Variants in VWA8 observed in about 807,000 individuals in gnomAD.
VWA8 encodes von Willebrand factor A domain containing 8.
A neutral mutation model predicts 241.5 loss-of-function variants in VWA8; 221 were observed. The observed-to-expected ratio is 0.91, with a 90% CI of 0.82 to 1.02. VWA8 has a LOEUF of 1.02. Among genes scored for constraint, VWA8 ranks in the 50% least tolerant of loss-of-function variants. The pLI is 0.00. For missense variants in VWA8, 2,322 were observed against 2,328.7 expected (o/e 1.00, Z 0.06); for synonymous variants, 852 against 827.1 (o/e 1.03, Z -0.52).
chr13:41,611,881 T>G (rs1298240434), intron 38 of VWA8, 149 bp from the exon 39 acceptor site: 3 of 939,430 alleles, frequency 3.2e-6, no homozygotes, highest in Non-Finnish European at 4.6e-6. Flanking sequence ...GAAAAAGATG[T>G]ATTCTCTTGT....
intron 12 of VWA8, among the ~76,000 whole-genome samples, chr13:41,851,235 G>A (rs1458860095): frequency 6.6e-6 from 1 of 152,086 alleles, no homozygotes; most frequent in East Asian, 1.9e-4. Flanking sequence ...CACCAGGCCA[G>A]TCCACCTAAG....
intron 29 of VWA8, among the ~76,000 whole-genome samples, chr13:41,696,631 T>C (rs2045217360): frequency 6.6e-6 from 1 of 152,160 alleles, no homozygotes; most frequent in Non-Finnish European, 1.5e-5. Context: ...CATATGTAAA[T>C]GTGGCTGAGA....
At chr13:41,734,399 C>T (rs751527503) in intron 21 of VWA8, among the ~76,000 whole-genome samples, 1 of 152,016 alleles carries the variant, frequency 6.6e-6, no homozygotes, top group Non-Finnish European at 1.5e-5. Context: ...AAAGTACAGT[C>T]ATGTTGAGAA....
intron 12 of VWA8, among the ~76,000 whole-genome samples, chr13:41,840,587 A>G (rs1321082336): frequency 6.6e-6 from 1 of 151,986 alleles, no homozygotes; most frequent in African/African-American, 2.4e-5. Flanking sequence ...GCAAAACCCC[A>G]TCGCTACAAA....
At chr13:41,671,922 C>T (rs2045028367) in intron 36 of VWA8, among the ~76,000 whole-genome samples, 1 of 152,172 alleles carries the variant, frequency 6.6e-6, no homozygotes, top group African/African-American at 2.4e-5. Flanking sequence ...TAAGACAGAA[C>T]TCTAATAATG....
intron 12 of VWA8, among the ~76,000 whole-genome samples, chr13:41,847,235 G>A (rs1200661733): frequency 6.6e-6 from 1 of 152,052 alleles, no homozygotes; most frequent in Non-Finnish European, 1.5e-5. Flanking sequence ...GAGACAGGAG[G>A]AGAAGAAAGG....
At chr13:41,678,547 G>A (rs2045076318) in intron 35 of VWA8, among the ~76,000 whole-genome samples, 2 of 152,162 alleles carry the variant, frequency 1.3e-5, no homozygotes, top group Non-Finnish European at 1.5e-5. Flanking sequence ...GAGCTGCCTC[G>A]CTAACTAACT....
At chr13:41,741,389 AC>A (rs1295165372) in intron 21 of VWA8, among the ~76,000 whole-genome samples, 3 of 152,162 alleles carry the variant, frequency 2.0e-5, no homozygotes, top group Non-Finnish European at 4.4e-5. Context: ...CCTTTCCGCC[AC>A]TTTTTATGAT....
chr13:41,836,066 T>C (rs963641105), intron 12 of VWA8, among the ~76,000 whole-genome samples: 3 of 152,156 alleles, frequency 2.0e-5, no homozygotes, highest in African/African-American at 4.8e-5. Context: ...TTATTAAACA[T>C]TACATAGATG....
At position 41,907,709 on chromosome 13, in the gene VWA8, G is replaced by C; in HGVS notation, c.373-13C>G. The C allele has an allele frequency of 6.2e-7, 1 of 1,604,364 alleles. No individual in the cohort carries two copies. The highest frequency in any genetic ancestry group is 1.7e-4 in the Middle Eastern group (1 of 6,036). On this transcript the variant is annotated splice_polypyrimidine_tract_variant and intron_variant, in intron 3 of 44. Transcript: ENST00000379310. Reference sequence around the variant, plus strand: ...GTTTGGTCAGCTCCTGTAGAGAAGAGAATGAAATTATTCCAAAAATAAAAT... The same window carrying C: ...GTTTGGTCAGCTCCTGTAGAGAAGACAATGAAATTATTCCAAAAATAAAAT...
intron 16 of VWA8, among the ~76,000 whole-genome samples, chr13:41,814,903 G>A (rs1330623420): frequency 6.6e-6 from 1 of 152,116 alleles, no homozygotes; most frequent in Non-Finnish European, 1.5e-5. Context: ...CCGAGAGAAG[G>A]AAGATAGACA....
intron 37 of VWA8, among the ~76,000 whole-genome samples, chr13:41,626,144 A>G (rs564831119): frequency 1.3e-4 from 19 of 151,476 alleles, no homozygotes; most frequent in African/African-American, 4.6e-4. Context: ...ATGACGAGTT[A>G]ATGGGTGCAG....
intron 14 of VWA8, among the ~76,000 whole-genome samples, chr13:41,823,880 A>G (rs1056145246): frequency 2.0e-5 from 3 of 152,228 alleles, no homozygotes; most frequent in Non-Finnish European, 4.4e-5. Flanking sequence ...CGGGTTTCAC[A>G]CTATAAAGTT....
At chr13:41,944,135 T>TAAA (rs1209038186) in intron 2 of VWA8, among the ~76,000 whole-genome samples, 2 of 138,602 alleles carry the variant, frequency 1.4e-5, no homozygotes, top group East Asian at 2.1e-4. Context: ...ATAATAATAA[T>TAAA]AAATAAATAA....
At position 41,830,561 on chromosome 13, in the gene VWA8, C is replaced by G. The variant is rs1370689701; in HGVS notation, c.1668G>C (p.Glu556Asp). The G allele has an allele frequency of 1.9e-6, 3 of 1,613,758 alleles. No individual in the cohort carries two copies. The highest frequency in any genetic ancestry group is 2.5e-6 in the Non-Finnish European group (3 of 1,179,892). ...REDRYMRLKEELQLSDEQLQK... is the reference protein window; with the variant it reads ...REDRYMRLKEDLQLSDEQLQK... ...GTAGCTGTTCATCAGACAGTTGCAG[C>G]TCCTCCTTTAAACGCATATACCTGT... The change falls in exon 14 of 45, where the codon GAG becomes GAC. Residue 556 changes from glutamate (E) to aspartate (D), a missense_variant. By Grantham distance (45) the Glu-to-Asp change is conservative (BLOSUM62 2). Coordinates refer to ENST00000379310, the MANE Select transcript of VWA8 (RefSeq NM_015058.2).
rs780065859 is a variant in VWA8 at position 41,689,347 on chromosome 13, T to C, written c.4131+7A>G. 1.9e-6 allele frequency: 3 copies of C among 1,605,184 alleles called. No individual in the cohort carries two copies. The highest frequency in any genetic ancestry group is 2.7e-5 in the African/African-American group (2 of 74,516). On this transcript the variant is annotated splice_region_variant and intron_variant, in intron 34 of 44. Transcript: ENST00000379310. The stretch of plus-strand genomic sequence containing the variant: ...TTTATCCGATAATTTAAAAAATGGG[T>C]GCTTACCATGAGATCTGGAAAACCA...
At chr13:41,784,706 A>ATG (rs1393128220) in intron 18 of VWA8, among the ~76,000 whole-genome samples, 2 of 65,998 alleles carry the variant, frequency 3.0e-5, no homozygotes, top group African/African-American at 9.8e-5. Context: ...ACATATATAT[A>ATG]TATATATATA....
chr13:41,568,188 G>A lies in VWA8; in HGVS notation c.*9C>T, dbSNP rs760841990. The A allele has an allele frequency of 1.2e-6, 2 of 1,605,498 alleles. No homozygotes were observed. The highest frequency in any genetic ancestry group is 1.3e-5 in the African/African-American group (1 of 74,710). On this transcript the variant is annotated 3_prime_UTR_variant, in exon 45 of 45. Coordinates refer to ENST00000379310, the MANE Select transcript of VWA8 (RefSeq NM_015058.2). ...ATCCTGGTGTCATCAGGGTGATGAA[G>A]GGCACTTCTTAGACACTCGACAACA...
chr13:41,628,870 A>G (rs970395064), intron 37 of VWA8, among the ~76,000 whole-genome samples: 1 of 152,068 alleles, frequency 6.6e-6, no homozygotes, highest in East Asian at 1.9e-4. Flanking sequence ...GTGAAATCCC[A>G]TTTCTACTAA....
Sources: gnomAD v4.1 joint callset for allele counts (sites outside exome capture counted in the v4.1 genomes callset) on GRCh38, gnomAD v4.1.1 for gene constraint, MANE v1.5 for transcripts, NCBI Gene and HGNC (gene_info 2026-07-23, HGNC 2026-07-21) for gene names.